Variants in TDRD3 observed in about 807,000 individuals in gnomAD.
The protein encoded by TDRD3 is tudor domain-containing protein 3.
In TDRD3, 45 loss-of-function variants were observed where a neutral mutation model predicts 86.7. That is an observed-to-expected ratio of 0.52 (90% CI 0.41 to 0.67). TDRD3 has a LOEUF of 0.67. Ranked by LOEUF, TDRD3 falls within the 30% of genes least tolerant of loss-of-function variation. The pLI, the probability that TDRD3 is intolerant of heterozygous loss-of-function variation, is 0.00. For synonymous variants in TDRD3, 298 were observed against 301.7 expected (o/e 0.99, Z 0.13); for missense variants, 814 against 889.0 (o/e 0.92, Z 1.07).
Position 60,510,659 on chromosome 13 carries a change from T to G in TDRD3, c.1045T>G (p.Ser349Ala). 1.2e-6 allele frequency: 2 copies of G among 1,604,488 alleles called. No homozygotes were observed. The highest frequency in any genetic ancestry group is 8.5e-7 in the Non-Finnish European group (1 of 1,175,368). Residue 349 changes from serine (S) to alanine (A), a missense_variant, in exon 10 of 14, where the codon TCT becomes GCT. Physicochemically the swap from Ser to Ala is moderately conservative, Grantham distance 99. Transcript: ENST00000377881. ...GRGKGRGRIR[S>A]EDEEDLGNAR... ...AGGAAAAGGCAGGGGGCGAATAAGATCTGAAGATGAAGAGGACCTGGGAAA... is the reference window on the plus strand; with the variant it reads ...AGGAAAAGGCAGGGGGCGAATAAGAGCTGAAGATGAAGAGGACCTGGGAAA...
At position 60,456,916 on chromosome 13, in the gene TDRD3, A is replaced by G. The variant is rs185901900; in HGVS notation, c.193-3464A>G. Among the ~76,000 whole-genome samples, 19 of 152,104 alleles carry G rather than the reference A, an allele frequency of 1.2e-4. No homozygotes were observed. In the East Asian group the frequency reaches 3.7e-3, roughly 29 times the overall value. On this transcript the variant is annotated intron_variant, in intron 3 of 13. Coordinates refer to ENST00000377881, the MANE Select transcript of TDRD3 (RefSeq NM_001146070.2). ...TCCCTATGTTGCCCAGGCTGGTCTC[A>G]AACTCCTGGGTTCAAGCGAGCCACC...
At chr13:60,505,859 C>G (rs1956925247) in intron 8 of TDRD3, among the ~76,000 whole-genome samples, 1 of 152,106 alleles carries the variant, frequency 6.6e-6, no homozygotes, top group African/African-American at 2.4e-5. Flanking sequence ...ACAATGAAAG[C>G]CTCCAAGAAA....
At chr13:60,559,045 A>G (rs187467157) in intron 12 of TDRD3, among the ~76,000 whole-genome samples, 1 of 150,938 alleles carries the variant, frequency 6.6e-6, no homozygotes, top group Admixed American at 6.6e-5. Flanking sequence ...AGCAAAATCT[A>G]TCAGTCTATT....
At chr13:60,528,000 C>G (rs1435819710) in intron 10 of TDRD3, among the ~76,000 whole-genome samples, 1 of 152,114 alleles carries the variant, frequency 6.6e-6, no homozygotes, top group East Asian at 1.9e-4. Context: ...CAGGGTTGTA[C>G]TTGTGCAGTT....
At chr13:60,527,799 C>G (rs1464914152) in intron 10 of TDRD3, among the ~76,000 whole-genome samples, 1 of 151,592 alleles carries the variant, frequency 6.6e-6, no homozygotes, top group Non-Finnish European at 1.5e-5. Flanking sequence ...AAAATTAACC[C>G]TTTTGTATAG....
chr13:60,438,101 TTCA>T (rs1954552949), intron 1 of TDRD3, among the ~76,000 whole-genome samples: 1 of 152,204 alleles, frequency 6.6e-6, no homozygotes, highest in African/African-American at 2.4e-5. Context: ...GTGTTTAGTT[TTCA>T]TCATTTTACT....
Position 60,455,070 on chromosome 13 carries a change from C to T in TDRD3, c.193-5310C>T, listed in dbSNP as rs528010050. 5.9e-5 allele frequency among the ~76,000 whole-genome samples: 9 copies of T among 152,150 alleles called. No individual in the cohort carries two copies. In the South Asian group the frequency reaches 1.5e-3, roughly 25 times the overall value. On this transcript the variant is annotated intron_variant, in intron 3 of 13. Transcript: ENST00000377881. ...CTGGGATTACAGGCGCCTGCCACCA[C>T]GCCCGGCTAATTTTGTATTTTTAGT...
intron 5 of TDRD3, among the ~76,000 whole-genome samples, chr13:60,472,139 C>T (rs1230985788): frequency 1.3e-5 from 2 of 151,960 alleles, no homozygotes; most frequent in African/African-American, 4.8e-5. Context: ...TGTGTTTTTC[C>T]CCTGCTTCAT....
At chr13:60,485,264 G>A (rs547948228) in intron 6 of TDRD3, among the ~76,000 whole-genome samples, 1 of 151,926 alleles carries the variant, frequency 6.6e-6, no homozygotes, top group East Asian at 1.9e-4. Context: ...AGGCAGTGAT[G>A]CCTTTTTTTT....
chr13:60,555,048 T>C (rs1426484053), intron 12 of TDRD3, among the ~76,000 whole-genome samples: 2 of 152,216 alleles, frequency 1.3e-5, no homozygotes, highest in South Asian at 2.1e-4. Flanking sequence ...ATCTTTCTTA[T>C]TGTTCTTGTA....
intron 4 of TDRD3, among the ~76,000 whole-genome samples, chr13:60,461,891 A>C (rs1215384129): frequency 6.6e-6 from 1 of 152,192 alleles, no homozygotes; most frequent in South Asian, 2.1e-4. Flanking sequence ...CTGACAACAG[A>C]AAGAGTGAGA....
At chr13:60,490,585 A>T (rs926366676) in intron 7 of TDRD3, among the ~76,000 whole-genome samples, 1 of 152,194 alleles carries the variant, frequency 6.6e-6, no homozygotes, top group African/African-American at 2.4e-5. Flanking sequence ...ACCTCAGCTG[A>T]CCTATATTCT....
In TDRD3 at chr13:60,470,644, C is replaced by T. The variant is rs1320343443; in HGVS notation, c.495+3265C>T. On this transcript the variant is annotated intron_variant, in intron 5 of 13. Transcript: ENST00000377881. ...TGTTGCCCAGGCTGGAGTACAATGG[C>T]ACGATTTCGGCTTACTGCAACCTCT... Among the ~76,000 whole-genome samples the T allele has an allele frequency of 2.1e-5, 3 of 143,110 alleles. No individual in the cohort carries two copies. In the Admixed American group the frequency reaches 2.2e-4, roughly 10 times the overall value. The allele number at this position is 143,110 out of a possible 152,430, so 93.9% of individuals were successfully genotyped here. A position where few individuals can be genotyped will look rare whatever the true frequency, so the allele number is the denominator to read the frequency against.
intron 5 of TDRD3, among the ~76,000 whole-genome samples, chr13:60,483,118 G>A (rs1956355253): frequency 1.3e-5 from 2 of 151,942 alleles, no homozygotes; most frequent in South Asian, 4.2e-4. Flanking sequence ...ATAATACATT[G>A]TTATCTCTCT....
chr13:60,528,614 G>C lies in TDRD3; in HGVS notation c.1389G>C (p.Trp463Cys), dbSNP rs1362595924. 6.2e-7 allele frequency: 1 copy of C among 1,613,822 alleles called. No individual in the cohort carries two copies. The highest frequency in any genetic ancestry group is 2.2e-5 in the East Asian group (1 of 44,870). Reference sequence around the variant, plus strand: ...GTACTTCTTCAGTATCTGAAGTATGGGCTGAAGACAGAATCAAATGTGATA... The same window carrying C: ...GTACTTCTTCAGTATCTGAAGTATGCGCTGAAGACAGAATCAAATGTGATA... ...RPSTSSVSEVWAEDRIKCDRP... is the reference protein window; with the variant it reads ...RPSTSSVSEVCAEDRIKCDRP... The change falls in exon 11 of 14, where the codon TGG (tryptophan) becomes TGC (cysteine). Residue 463 changes from tryptophan (W) to cysteine (C), a missense_variant. By Grantham distance (215) the Trp-to-Cys change is radical. Transcript: ENST00000377881.
chr13:60,422,107 T>C lies in TDRD3; in HGVS notation c.42-17581T>C, dbSNP rs540121397. On this transcript the variant is annotated intron_variant, in intron 1 of 13. Transcript: ENST00000377881. The stretch of plus-strand genomic sequence containing the variant: ...GGTAAGTCTGATTTCAAAGAATAGG[T>C]ACGATTTAAAGGGTTCAATTTTTGA... Among the ~76,000 whole-genome samples, 3 of 152,154 alleles carry C rather than the reference T, an allele frequency of 2.0e-5. No homozygotes were observed. The East Asian group carries it at 5.8e-4, about 29-fold the overall frequency.
chr13:60,486,057 T>A, intron 7 of TDRD3, 109 bp downstream of exon 7: 1 of 1,148,462 alleles, frequency 8.7e-7, no homozygotes, highest in Non-Finnish European at 1.2e-6. Context: ...AACAAACGCT[T>A]AACCTTATTC....
chr13:60,514,504 CTG>C (rs1262298536), intron 10 of TDRD3, among the ~76,000 whole-genome samples: 2 of 152,180 alleles, frequency 1.3e-5, no homozygotes, highest in Non-Finnish European at 2.9e-5. Context: ...CCTAGATGTA[CTG>C]TGTGGGGAGG....
chr13:60,573,518 C>T (rs1958633887), intron 13 of TDRD3, 98 bp from the exon 14 acceptor site: 3 of 691,468 alleles, frequency 4.3e-6, no homozygotes, highest in African/African-American at 3.9e-5. Flanking sequence ...AAACACTTCA[C>T]ATTTACAGAT....
Sources: allele counts gnomAD v4.1 joint callset (sites outside exome capture counted in the v4.1 genomes callset), GRCh38; gene constraint gnomAD v4.1.1; transcripts MANE v1.5; gene names NCBI Gene and HGNC (gene_info 2026-07-23, HGNC 2026-07-21).